PDZD7: variants seen among roughly 807,000 people sequenced by gnomAD.
PDZD7 encodes the protein PDZ domain containing 7.
A neutral mutation model predicts 84.7 loss-of-function variants in PDZD7; 72 were observed. The ratio of observed to expected loss-of-function variants is 0.85; its 90% CI spans 0.70 to 1.03. The LOEUF (loss-of-function observed/expected upper bound fraction) is 1.03. PDZD7 is among the 50% of genes least tolerant of loss of function. PDZD7 has a pLI of 0.00. For missense variants in PDZD7, 1,490 were observed against 1,412.9 expected (o/e 1.05, Z -0.87); for synonymous variants, 594 against 580.7 (o/e 1.02, Z -0.33).
At position 101,010,290 on chromosome 10, in the gene PDZD7, T is replaced by C. The variant is rs1325418308; in HGVS notation, c.2599A>G (p.Lys867Glu). Residue 867 changes from lysine (K) to glutamate (E), a missense_variant, in exon 15 of 17, where the codon AAG becomes GAG. Physicochemically the swap from Lys to Glu is moderately conservative, Grantham distance 56. Transcript: ENST00000619208. ...SGELKTVTLS[K>E]MKQSLGISIS... is the part of the protein sequence containing the mutation. The stretch of plus-strand genomic sequence containing the variant: ...GACTCACCTAAGGACTGCTTCATCT[T>C]GGACAGTGTCACTGTCTTCAGCTCG... 2.0e-6 allele frequency: 3 copies of C among 1,531,682 alleles called. No individual in the cohort carries two copies. In the African/African-American group the frequency reaches 4.1e-5, roughly 21 times the overall value. The allele number at this position is 1,531,682 out of a possible 1,614,324, so 94.9% of individuals were successfully genotyped here.
chr10:101,017,836 AAG>A lies in PDZD7; in HGVS notation c.1522+261_1522+262del, dbSNP rs1325081059. The A allele has an allele frequency of 6.8e-3, 1,193 of 176,016 alleles. 5 individuals carry two copies. The highest frequency in any genetic ancestry group is 0.01 in the Middle Eastern group (5 of 500). The allele number at this position is 176,016 out of a possible 1,614,324, so 10.9% of individuals were successfully genotyped here. On this transcript the variant is annotated intron_variant, in intron 9 of 16. Coordinates refer to ENST00000619208, the MANE Select transcript of PDZD7 (RefSeq NM_001195263.2). ...AAGAAAGGAAAGAAAGGAAGGAAGG[AAG>A]GAAAGAAAGAAAGAAAGAAAGAAAG...
intron 2 of PDZD7, 75 bp from the exon 3 acceptor site, chr10:101,024,143 G>A: frequency 1.2e-6 from 2 of 1,608,418 alleles, no homozygotes; most frequent in Non-Finnish European, 1.7e-6. Flanking sequence ...CCCAACTTGG[G>A]GCCTGCAAAG....
chr10:101,012,726 C>A (rs1276704081), intron 11 of PDZD7, among the ~76,000 whole-genome samples: 3 of 152,216 alleles, frequency 2.0e-5, no homozygotes, highest in African/African-American at 7.2e-5. Flanking sequence ...CTCCTCCCCA[C>A]CCCCACATCC....
chr10:101,025,693 G>A (rs528528608), intron 2 of PDZD7, among the ~76,000 whole-genome samples: 15 of 150,770 alleles, frequency 9.9e-5, no homozygotes, highest in Admixed American at 8.6e-4. Flanking sequence ...GACTACAGGC[G>A]CCCACCACCA....
intron 11 of PDZD7, 139 bp downstream of exon 11, chr10:101,015,497 G>T: frequency 1.1e-6 from 1 of 908,852 alleles, no homozygotes; most frequent in Non-Finnish European, 1.6e-6. Flanking sequence ...TGTGTGACAG[G>T]AGTGACTTCT....
Position 101,008,314 on chromosome 10 carries a change from A to C in PDZD7, c.*153T>G. Reference sequence around the variant, plus strand: ...GGCAGAGCCTTAATGACAGCTGAGGAGGGAAGAAAGTGGAAAGATGTGAGC... The same window carrying C: ...GGCAGAGCCTTAATGACAGCTGAGGCGGGAAGAAAGTGGAAAGATGTGAGC... On this transcript the variant is annotated 3_prime_UTR_variant, in exon 17 of 17. Transcript: ENST00000619208. 1 of 799,642 alleles carries C rather than the reference A, an allele frequency of 1.3e-6. No individual in the cohort carries two copies. The highest frequency in any genetic ancestry group is 1.9e-6 in the Non-Finnish European group (1 of 520,890). 49.5% of individuals were successfully genotyped at this position (799,642 alleles called of 1,614,324 possible).
rs1420177886 is a variant in PDZD7, at chr10:101,010,622, A to G, written c.2267T>C (p.Leu756Pro). 1.4e-6 allele frequency: 2 copies of G among 1,480,654 alleles called. No homozygotes were observed. Among genetic ancestry groups the G allele is most frequent in the African/African-American group, 2.9e-5 (2 of 68,536 alleles). The allele number at this position is 1,480,654 out of a possible 1,614,324, so 91.7% of individuals were successfully genotyped here. ...GCTCTGCGGAGGGTGCTCTCGGCTC[A>G]GGGGTTCTGTCAGCAGCCAGTTAGG... ...LRPNWLLTEP[L>P]SREHPPQSQI... is the part of the protein sequence containing the mutation. Residue 756 changes from leucine to proline, a missense_variant, in exon 15 of 17, where the codon CTG (leucine) becomes CCG (proline). Coordinates refer to ENST00000619208, the MANE Select transcript of PDZD7 (RefSeq NM_001195263.2).
At chr10:101,025,826 C>T (rs1287196535) in intron 2 of PDZD7, among the ~76,000 whole-genome samples, 1 of 152,126 alleles carries the variant, frequency 6.6e-6, no homozygotes, top group Non-Finnish European at 1.5e-5. Flanking sequence ...AGATTACAGG[C>T]GTGAGCCACC....
intron 4 of PDZD7, chr10:101,023,132 C>T: frequency 2.5e-6 from 1 of 398,408 alleles, no homozygotes; most frequent in Non-Finnish European, 4.6e-6. Flanking sequence ...CCAGGCTAGG[C>T]CCCATTTCTA....
rs1853163548 is a variant in PDZD7 at position 101,022,355 on chromosome 10, C to CACT, written c.570_572dup (p.Val191dup). The CACT allele has an allele frequency of 1.9e-6, 3 of 1,614,174 alleles. No individual in the cohort carries two copies. The highest frequency in any genetic ancestry group is 2.5e-6 in the Non-Finnish European group (3 of 1,180,036). On this transcript the variant is annotated inframe_insertion, in exon 5 of 17. Transcript: ENST00000619208. ...CGGAGGGTGTTGAACCGCACTTCTC[C>CACT]ACTACCAGGCGCCGATTCACCACAT...
chr10:101,015,737 G>C lies in PDZD7; in HGVS notation c.1648C>G (p.Gln550Glu). The change falls in exon 11 of 17, where the codon CAG (glutamine) becomes GAG (glutamate). Residue 550 changes from glutamine (Q) to glutamate (E), a missense_variant. Coordinates refer to ENST00000619208, the MANE Select transcript of PDZD7 (RefSeq NM_001195263.2). ...CGCCGGCTCTCCCAGGCCTGAACCTGCTCATCCACATTAGGCAGCTGGCTG... is the reference window on the plus strand; with the variant it reads ...CGCCGGCTCTCCCAGGCCTGAACCTCCTCATCCACATTAGGCAGCTGGCTG... Reference protein sequence around the residue: ...PSSQLPNVDEQVQAWESRRPL... With the variant: ...PSSQLPNVDEEVQAWESRRPL... 1 of 1,550,212 alleles carries C rather than the reference G, an allele frequency of 6.5e-7. No homozygotes were observed. Among genetic ancestry groups the C allele is most frequent in the Non-Finnish European group, 8.7e-7 (1 of 1,146,952 alleles).
intron 10 of PDZD7, 26 bp from the exon 11 acceptor site, chr10:101,015,837 G>A: frequency 3.3e-6 from 5 of 1,535,238 alleles, no homozygotes; most frequent in East Asian, 2.5e-5. Flanking sequence ...CATCAGGGGA[G>A]GGGAGAGGGG....
Position 101,030,021 on chromosome 10 carries a change from C to T in PDZD7, c.199G>A (p.Val67Ile). 1.9e-6 allele frequency: 3 copies of T among 1,596,190 alleles called. No individual in the cohort carries two copies. The highest frequency in any genetic ancestry group is 1.7e-5 in the Admixed American group (1 of 59,410). Reference sequence around the variant, plus strand: ...TCGATGGGGGAGTTGATGAGGATGACGCGTCCCATGGGCGATGAGGCTCGG... The same window carrying T: ...TCGATGGGGGAGTTGATGAGGATGATGCGTCCCATGGGCGATGAGGCTCGG... ...GIRASSPMGR[V>I]ILINSPIEAN... is the part of the protein sequence containing the mutation. Residue 67 changes from valine to isoleucine, a missense_variant, in exon 2 of 17, where the codon GTC becomes ATC. Val to Ile is a conservative substitution (Grantham distance 29). Transcript: ENST00000619208.
intron 11 of PDZD7, among the ~76,000 whole-genome samples, chr10:101,015,416 C>T (rs139064221): frequency 4.6e-5 from 7 of 152,196 alleles, no homozygotes; most frequent in African/African-American, 1.4e-4. Flanking sequence ...TCACCATGGG[C>T]GTTTAGGTTC....
At chr10:101,015,346 A>G (rs1432100924) in intron 11 of PDZD7, among the ~76,000 whole-genome samples, 1 of 152,068 alleles carries the variant, frequency 6.6e-6, no homozygotes, top group Non-Finnish European at 1.5e-5. Flanking sequence ...CACACCATCT[A>G]ATGTGTGTCT....
intron 9 of PDZD7, 118 bp from the exon 10 acceptor site, chr10:101,016,545 A>G: frequency 9.2e-7 from 1 of 1,082,192 alleles, no homozygotes. Context: ...TGGGATAGGG[A>G]GGCAAGAGGC....
Position 101,007,816 on chromosome 10 carries a change from A to AT in PDZD7, c.*650_*651insA, listed in dbSNP as rs1382568596. ...CAAACCCAAAGAAAAAATTAAAAAAAATTTTTTTGTTTAAAAATAATGTGA... is the reference window on the plus strand; with the variant it reads ...CAAACCCAAAGAAAAAATTAAAAAAATATTTTTTTGTTTAAAAATAATGTGA... On this transcript the variant is annotated 3_prime_UTR_variant, in exon 17 of 17. Transcript: ENST00000619208. The AT allele has an allele frequency of 3.9e-4, 116 of 295,968 alleles. 1 individual carries two copies. Among genetic ancestry groups the AT allele is most frequent in the African/African-American group, 2.6e-3 (111 of 41,940 alleles). 18.3% of individuals were successfully genotyped at this position (295,968 alleles called of 1,614,324 possible). A position where few individuals can be genotyped will look rare whatever the true frequency, so the allele number is the denominator to read the frequency against.
intron 7 of PDZD7, among the ~76,000 whole-genome samples, chr10:101,019,569 TC>T (rs1291520498): frequency 5.3e-5 from 7 of 133,154 alleles, no homozygotes; most frequent in Admixed American, 2.9e-4. Context: ...CTCCTCCTCC[TC>T]CTCCTCCTCC....
chr10:101,008,909 C>T, intron 16 of PDZD7, 59 bp from the exon 17 acceptor site: 1 of 1,445,762 alleles, frequency 6.9e-7, no homozygotes, highest in Non-Finnish European at 9.1e-7. Context: ...CATCAGCCCC[C>T]AACCTGAAGG....
Sources: allele counts gnomAD v4.1 joint callset (sites outside exome capture counted in the v4.1 genomes callset), GRCh38; gene constraint gnomAD v4.1.1; transcripts MANE v1.5; gene names NCBI Gene and HGNC (gene_info 2026-07-23, HGNC 2026-07-21).